Variants in UPB1 observed in about 807,000 individuals in gnomAD.
The protein encoded by UPB1 is beta-ureidopropionase 1.
A neutral mutation model predicts 49.1 loss-of-function variants in UPB1; 40 were observed. That is an observed-to-expected ratio of 0.81 (90% CI 0.63 to 1.06). The LOEUF (loss-of-function observed/expected upper bound fraction) is 1.06. Ranked by LOEUF, UPB1 falls within the 50% of genes least tolerant of loss-of-function variation. The probability of loss-of-function intolerance (pLI) is 0.00; values close to 1 mark genes in which losing one functional copy is unlikely to be tolerated. For missense variants in UPB1, 499 were observed against 505.9 expected (o/e 0.99, Z 0.13); for synonymous variants, 207 against 198.2 (o/e 1.04, Z -0.38).
rs2044185850 is a variant in UPB1 at position 24,510,819 on chromosome 22, GC to G, written c.438del (p.Thr147ProfsTer37). Reference protein sequence around the residue: ...TEFAESAEDGPTTRFCQKLAK... With the variant: ...TEFAESAEDGXTTRFCQKLAK... ...AATTTGCTGAGTCAGCAGAGGATGGGCCCACCACCAGATTCTGTCAGAAGGT... is the reference window on the plus strand; with the variant it reads ...AATTTGCTGAGTCAGCAGAGGATGGGCCACCACCAGATTCTGTCAGAAGGT... On this transcript the variant is annotated frameshift_variant, in exon 4 of 10. Transcript: ENST00000326010. LOFTEE classifies it high-confidence loss of function. 6.2e-7 allele frequency: 1 copy of G among 1,614,178 alleles called. No homozygotes were observed. Among genetic ancestry groups the G allele is most frequent in the Non-Finnish European group, 8.5e-7 (1 of 1,180,026 alleles).
intron 9 of UPB1, among the ~76,000 whole-genome samples, chr22:24,524,912 T>C (rs780169378): frequency 2.0e-5 from 3 of 152,196 alleles, no homozygotes; most frequent in Non-Finnish European, 4.4e-5. Flanking sequence ...TTGGCCTTGA[T>C]CCTGTTTTCT....
chr22:24,524,193 T>A (rs2044444910), intron 9 of UPB1, among the ~76,000 whole-genome samples: 1 of 152,240 alleles, frequency 6.6e-6, no homozygotes, highest in African/African-American at 2.4e-5. Flanking sequence ...AAATGGGTCA[T>A]GCAGAGAAAT....
At chr22:24,497,987 A>C (rs2043923030) in intron 1 of UPB1, among the ~76,000 whole-genome samples, 1 of 152,120 alleles carries the variant, frequency 6.6e-6, no homozygotes, top group African/African-American at 2.4e-5. Context: ...GGCTGTAACC[A>C]ACATCTGGCT....
In UPB1 at chr22:24,495,381, A is replaced by G. The variant is rs749335161; in HGVS notation, c.-23A>G. 1 of 1,611,798 alleles carries G rather than the reference A, an allele frequency of 6.2e-7. No individual in the cohort carries two copies. The highest frequency in any genetic ancestry group is 8.5e-7 in the Non-Finnish European group (1 of 1,179,772). Reference sequence around the variant, plus strand: ...AAGGGCAGGCAGTTCGTGCGCGGACACAAGCACTGGCGGACCGTGGCCATG... The same window carrying G: ...AAGGGCAGGCAGTTCGTGCGCGGACGCAAGCACTGGCGGACCGTGGCCATG... On this transcript the variant is annotated 5_prime_UTR_variant, in exon 1 of 10. Transcript: ENST00000326010.
intron 4 of UPB1, among the ~76,000 whole-genome samples, chr22:24,511,183 T>C (rs1048711725): frequency 1.3e-5 from 2 of 152,182 alleles, no homozygotes; most frequent in Non-Finnish European, 2.9e-5. Flanking sequence ...TCCAGAGCTC[T>C]GCATGCTCCA....
Position 24,500,252 on chromosome 22 carries a change from C to A in UPB1, c.250C>A (p.Pro84Thr). ...VGLVQNRIPL[P>T]ANAPVAEQVS... ...GCTGGTTCAGAACAGAATCCCCCTCCCCGCAAATGCCCCTGTGGCAGAACA... is the reference window on the plus strand; with the variant it reads ...GCTGGTTCAGAACAGAATCCCCCTCACCGCAAATGCCCCTGTGGCAGAACA... The change falls in exon 2 of 10, where the codon CCC becomes ACC. Residue 84 changes from proline (P) to threonine (T), a missense_variant. Physicochemically the swap from Pro to Thr is conservative, Grantham distance 38 (BLOSUM62 -1). Coordinates refer to ENST00000326010, the MANE Select transcript of UPB1 (RefSeq NM_016327.3). 4 of 1,614,194 alleles carry A rather than the reference C, an allele frequency of 2.5e-6. No individual in the cohort carries two copies. The highest frequency in any genetic ancestry group is 1.7e-4 in the Middle Eastern group (1 of 6,054).
Position 24,528,041 on chromosome 22 carries a change from C to G in UPB1, c.*2247C>G, listed in dbSNP as rs935362436. 2.0e-5 allele frequency: 3 copies of G among 152,270 alleles called. No homozygotes were observed. The highest frequency in any genetic ancestry group is 7.2e-5 in the African/African-American group (3 of 41,420). The allele number at this position is 152,270 out of a possible 1,614,324, so 9.4% of individuals were successfully genotyped here. On this transcript the variant is annotated 3_prime_UTR_variant, in exon 10 of 10. Coordinates refer to ENST00000326010, the MANE Select transcript of UPB1 (RefSeq NM_016327.3). ...GGCTGAGGGAGGAGAATCACTTGAA[C>G]CCGGGAGGCGGAGGTTGCAGTGAGC...
Position 24,515,222 on chromosome 22 carries a change from A to AAT in UPB1, c.644_645insTA (p.Leu216ThrfsTer16), listed in dbSNP as rs760086834. On this transcript the variant is annotated frameshift_variant, in exon 6 of 10. Transcript: ENST00000326010. LOFTEE classifies it high-confidence loss of function. ...TCAGTCAACTTACTACATGGAGGGA[A>AAT]ACCTGGGCCACCCCGTGTTCCAGAC... The AAT allele has an allele frequency of 6.2e-7, 1 of 1,614,172 alleles. No individual in the cohort carries two copies. Among genetic ancestry groups the AAT allele is most frequent in the East Asian group, 2.2e-5 (1 of 44,882 alleles).
In UPB1 at chr22:24,502,271, A is replaced by T. The variant is rs760995440; in HGVS notation, c.364+58A>T. 7 of 1,546,662 alleles carry T rather than the reference A, an allele frequency of 4.5e-6. No individual in the cohort carries two copies. The African/African-American group carries it at 8.2e-5, about 18-fold the overall frequency. ...CTTCAAACAATTGTGTATTCTCTCC[A>T]TGTTGCCAAGAGTGTCTGCTGCCTG... is the stretch of plus-strand genomic sequence containing the variant. On this transcript the variant is annotated intron_variant, in intron 3 of 9. Coordinates refer to ENST00000326010, the MANE Select transcript of UPB1 (RefSeq NM_016327.3).
intron 1 of UPB1, among the ~76,000 whole-genome samples, chr22:24,496,446 A>G (rs1318253248): frequency 6.6e-6 from 1 of 151,092 alleles, no homozygotes; most frequent in Non-Finnish European, 1.5e-5. Context: ...TTTGGAGCTT[A>G]CTTGGATAAT....
In UPB1 at chr22:24,495,723, C is replaced by G. The variant is rs993106554; in HGVS notation, c.104+216C>G. Reference sequence around the variant, plus strand: ...CGTGACCTTTACAAATCTCTTCTCCCCCACGTTGCCCAGAACCGGAAGGAA... The same window carrying G: ...CGTGACCTTTACAAATCTCTTCTCCGCCACGTTGCCCAGAACCGGAAGGAA... On this transcript the variant is annotated intron_variant, in intron 1 of 9. Transcript: ENST00000326010. Among the ~76,000 whole-genome samples, 6 of 152,234 alleles carry G rather than the reference C, an allele frequency of 3.9e-5. No individual in the cohort carries two copies. The East Asian group carries it at 1.2e-3, about 29-fold the overall frequency.
intron 8 of UPB1, among the ~76,000 whole-genome samples, chr22:24,523,031 C>T (rs976023625): frequency 5.9e-5 from 9 of 151,896 alleles, no homozygotes; most frequent in Non-Finnish European, 8.8e-5. Flanking sequence ...TCCCAGATGC[C>T]GCCATTTCAG....
intron 1 of UPB1, among the ~76,000 whole-genome samples, chr22:24,496,372 A>ACACACACAC (rs2043878085): frequency 1.4e-5 from 2 of 141,528 alleles, no homozygotes; most frequent in African/African-American, 5.4e-5. Flanking sequence ...CCCTGTCTCA[A>ACACACACAC]ACACACACAC....
chr22:24,514,237 G>T (rs1367371783), intron 5 of UPB1, among the ~76,000 whole-genome samples: 1 of 152,118 alleles, frequency 6.6e-6, no homozygotes, highest in Non-Finnish European at 1.5e-5. Flanking sequence ...GGCTGGTCAG[G>T]CAGATAAGAA....
chr22:24,501,084 A>C (rs117425095), intron 2 of UPB1, among the ~76,000 whole-genome samples: 128 of 152,118 alleles, frequency 8.4e-4, no homozygotes, highest in Non-Finnish European at 1.7e-3. Flanking sequence ...TTTTTTGTGG[A>C]TATGTCCCCT....
intron 3 of UPB1, among the ~76,000 whole-genome samples, chr22:24,509,957 G>A (rs955617255): frequency 6.6e-6 from 1 of 152,114 alleles, no homozygotes; most frequent in Non-Finnish European, 1.5e-5. Context: ...TCTAGGCTGG[G>A]CGTGGTGACT....
In UPB1 at chr22:24,500,208, C is replaced by G. The variant is rs754115355; in HGVS notation, c.206C>G (p.Pro69Arg). The G allele has an allele frequency of 1.2e-6, 2 of 1,614,092 alleles. No individual in the cohort carries two copies. The highest frequency in any genetic ancestry group is 4.5e-5 in the East Asian group (2 of 44,904). ...GCAGCGGAGGAGCAGCTGAGACGAC[C>G]CCGCATTGTGCACGTGGGGCTGGTT... is the stretch of plus-strand genomic sequence containing the variant. ...FEAAEEQLRR[P>R]RIVHVGLVQN... The change falls in exon 2 of 10, where the codon CCC (proline) becomes CGC (arginine). Residue 69 changes from proline to arginine, a missense_variant. Coordinates refer to ENST00000326010, the MANE Select transcript of UPB1 (RefSeq NM_016327.3).
intron 6 of UPB1, chr22:24,518,466 G>GTAATA (rs757500040): frequency 6.6e-6 from 1 of 152,244 alleles, no homozygotes; most frequent in Admixed American, 6.5e-5. Flanking sequence ...GGTTTATTAA[G>GTAATA]ATGGTAGGAT....
Position 24,520,484 on chromosome 22 carries a change from T to C in UPB1, c.873+16T>C, listed in dbSNP as rs2044369937. 1 of 1,612,750 alleles carries C rather than the reference T, an allele frequency of 6.2e-7. No individual in the cohort carries two copies. The highest frequency in any genetic ancestry group is 1.1e-5 in the South Asian group (1 of 90,878). On this transcript the variant is annotated intron_variant, in intron 7 of 9. Coordinates refer to ENST00000326010, the MANE Select transcript of UPB1 (RefSeq NM_016327.3). Reference sequence around the variant, plus strand: ...AGTGGGCACCGTAAGTCCCGAGGTCTGGCTGGGGAGAGGAGCCACCACCTG... The same window carrying C: ...AGTGGGCACCGTAAGTCCCGAGGTCCGGCTGGGGAGAGGAGCCACCACCTG...
Sources: allele counts gnomAD v4.1 joint callset (sites outside exome capture counted in the v4.1 genomes callset), GRCh38; gene constraint gnomAD v4.1.1; transcripts MANE v1.5; gene names NCBI Gene and HGNC (gene_info 2026-07-23, HGNC 2026-07-21).